HSDL2: variants seen among roughly 807,000 people sequenced by gnomAD.
HSDL2 encodes the protein hydroxysteroid dehydrogenase like 2.
Under a neutral mutation model 46.3 loss-of-function variants are expected in HSDL2, and 27 were observed. The observed-to-expected ratio is 0.58, with a 90% CI of 0.43 to 0.80. The LOEUF (loss-of-function observed/expected upper bound fraction) is 0.80. HSDL2 is among the 30% of genes least tolerant of loss of function. HSDL2 has a pLI of 0.00. For synonymous variants in HSDL2, 153 were observed against 163.6 expected, an observed-to-expected ratio of 0.94 and a Z score of 0.50; for missense variants, 451 against 502.7, an observed-to-expected ratio of 0.90 and a Z score of 0.98.
chr9:112,464,213 GACACACACACAGACACACAC>G (rs149176567), intron 10 of HSDL2, among the ~76,000 whole-genome samples: 117,358 of 146,472 alleles, frequency 0.8, 47,260 homozygotes, highest in South Asian at 0.93. Context: ...CACACACACA[GACACACACACAGACACACAC>G]ACACACACAC....
At chr9:112,463,274 T>C (rs1833269164) in intron 10 of HSDL2, among the ~76,000 whole-genome samples, 1 of 151,284 alleles carries the variant, frequency 6.6e-6, no homozygotes, top group Non-Finnish European at 1.5e-5. Context: ...TTTTTTTTTT[T>C]TCACTTAAAA....
At chr9:112,412,327 A>T (rs1831890241) in intron 4 of HSDL2, among the ~76,000 whole-genome samples, 1 of 152,198 alleles carries the variant, frequency 6.6e-6, no homozygotes, top group Admixed American at 6.5e-5. Context: ...CTTCCAAGGT[A>T]TTGACAAATA....
At chr9:112,455,558 C>G (rs7867751) in intron 9 of HSDL2, among the ~76,000 whole-genome samples, 145,188 of 151,990 alleles carry the variant, frequency 0.96, 69,406 homozygotes, top group African/African-American at 0.98. Flanking sequence ...GGGAGGAAAG[C>G]TAAAAAAAAT....
intron 1 of HSDL2, among the ~76,000 whole-genome samples, chr9:112,382,255 A>G (rs753165610): frequency 1.8e-4 from 28 of 152,170 alleles, no homozygotes; most frequent in Non-Finnish European, 3.5e-4. Flanking sequence ...AGAGAGTGAG[A>G]GTCTGTCTCA....
chr9:112,446,430 C>T (rs1182853349), intron 8 of HSDL2, among the ~76,000 whole-genome samples: 1 of 152,064 alleles, frequency 6.6e-6, no homozygotes, highest in East Asian at 1.9e-4. Flanking sequence ...TCGAGATGAG[C>T]CTGGGCAATG....
chr9:112,408,667 G>A (rs1396206019), intron 3 of HSDL2, among the ~76,000 whole-genome samples: 3 of 152,196 alleles, frequency 2.0e-5, no homozygotes, highest in Non-Finnish European at 2.9e-5. Flanking sequence ...TACTGTAGGC[G>A]TTTGTAACAC....
intron 2 of HSDL2, among the ~76,000 whole-genome samples, chr9:112,404,437 G>A (rs1208623497): frequency 6.6e-6 from 1 of 152,096 alleles, no homozygotes; most frequent in Admixed American, 6.5e-5. Context: ...GGGAGGCTGA[G>A]GCAGGAGAAT....
intron 1 of HSDL2, among the ~76,000 whole-genome samples, chr9:112,391,995 C>T (rs1407788932): frequency 6.6e-6 from 1 of 152,008 alleles, no homozygotes; most frequent in Non-Finnish European, 1.5e-5. Context: ...TAGGTTCTTT[C>T]TATTTTCCTT....
intron 6 of HSDL2, among the ~76,000 whole-genome samples, chr9:112,425,266 ATC>A (rs1491541073): frequency 1.1e-4 from 17 of 152,184 alleles, no homozygotes; most frequent in South Asian, 2.1e-4. Flanking sequence ...TAATGTTCCT[ATC>A]TACTAAGTGG....
chr9:112,431,950 G>A (rs1407772141), intron 6 of HSDL2, among the ~76,000 whole-genome samples: 1 of 149,718 alleles, frequency 6.7e-6, no homozygotes, highest in Non-Finnish European at 1.5e-5. Context: ...TGCGATCTCA[G>A]CTCACTGCAA....
intron 6 of HSDL2, among the ~76,000 whole-genome samples, chr9:112,424,093 G>A (rs555962427): frequency 6.6e-6 from 1 of 151,790 alleles, no homozygotes; most frequent in South Asian, 2.1e-4. Context: ...GGCTGAGGTG[G>A]GCGGATCACG....
At chr9:112,419,111 C>T (rs1832062205) in intron 6 of HSDL2, among the ~76,000 whole-genome samples, 153 bp downstream of exon 6, 1 of 152,126 alleles carries the variant, frequency 6.6e-6, no homozygotes, top group African/African-American at 2.4e-5. Context: ...TGGGTTCAAG[C>T]AGTTCTTGTG....
At chr9:112,455,200 A>C (rs1832987747) in intron 9 of HSDL2, among the ~76,000 whole-genome samples, 1 of 151,976 alleles carries the variant, frequency 6.6e-6, no homozygotes, top group Non-Finnish European at 1.5e-5. Context: ...ATCTGTGAAT[A>C]ACCACTGCAC....
At chr9:112,463,598 T>G (rs1311327154) in intron 10 of HSDL2, among the ~76,000 whole-genome samples, 2 of 152,230 alleles carry the variant, frequency 1.3e-5, no homozygotes, top group African/African-American at 4.8e-5. Flanking sequence ...CACCCAGAGT[T>G]GGCTTGTTGT....
chr9:112,431,483 T>A (rs7857000), intron 6 of HSDL2, among the ~76,000 whole-genome samples: 1 of 151,994 alleles, frequency 6.6e-6, no homozygotes, highest in Non-Finnish European at 1.5e-5. Context: ...AAGAAGGAGC[T>A]TGGGGAGTGA....
chr9:112,392,825 C>G (rs960249730), intron 1 of HSDL2, among the ~76,000 whole-genome samples: 2 of 152,108 alleles, frequency 1.3e-5, no homozygotes, highest in Non-Finnish European at 2.9e-5. Context: ...ACATCCTCAG[C>G]TTACAAAGAT....
chr9:112,406,523 T>G (rs550787429), intron 3 of HSDL2, among the ~76,000 whole-genome samples: 1 of 152,214 alleles, frequency 6.6e-6, no homozygotes, highest in South Asian at 2.1e-4. Context: ...CAGGCTGGAG[T>G]GCAGTGGCGC....
chr9:112,393,742 A>G (rs1831396274), intron 1 of HSDL2, among the ~76,000 whole-genome samples: 1 of 152,254 alleles, frequency 6.6e-6, no homozygotes, highest in South Asian at 2.1e-4. Flanking sequence ...ACTGGTATCC[A>G]GATTCCTTCT....
rs541535523 is a variant in HSDL2 at position 112,463,929 on chromosome 9, G to A, written c.1144+4352G>A. On this transcript the variant is annotated intron_variant, in intron 10 of 10. Transcript: ENST00000398805. ...ACCCACCTCAGCCTCCCAAAGTGCT[G>A]GGATTATAGGCATGAGCCACCGTGC... 1.8e-3 allele frequency among the ~76,000 whole-genome samples: 279 copies of A among 152,194 alleles called. 1 individual carries two copies. Among genetic ancestry groups the A allele is most frequent in the Non-Finnish European group, 2.1e-3 (140 of 67,998 alleles).
Sources: allele counts gnomAD v4.1 joint callset (sites outside exome capture counted in the v4.1 genomes callset), GRCh38; gene constraint gnomAD v4.1.1; transcripts MANE v1.5; gene names NCBI Gene and HGNC (gene_info 2026-07-23, HGNC 2026-07-21).